The following ELMO1 variants were observed in gnomAD, a reference collection of about 807,000 sequenced individuals.
The protein encoded by ELMO1 is engulfment and cell motility 1, also known as engulfment and cell motility protein 1.
ELMO1 carries 26 observed loss-of-function variants against 98.9 expected under a neutral mutation model. That is an observed-to-expected ratio of 0.26 (90% CI 0.19 to 0.36). The LOEUF (loss-of-function observed/expected upper bound fraction) is 0.36, where lower values mean the gene tolerates loss of function less well. Ranked by LOEUF, ELMO1 falls within the 10% of genes least tolerant of loss-of-function variation. The pLI, the probability that ELMO1 is intolerant of heterozygous loss-of-function variation, is 1.00. For synonymous variants in ELMO1, 346 were observed against 346.0 expected, an observed-to-expected ratio of 1.00 and a Z score of 0.00; for missense variants, 627 against 935.2, an observed-to-expected ratio of 0.67 and a Z score of 4.30.
At chr7:36,959,209 T>C (rs1055368872) in intron 16 of ELMO1, among the ~76,000 whole-genome samples, 1 of 151,994 alleles carries the variant, frequency 6.6e-6, no homozygotes, top group Admixed American at 6.6e-5. Flanking sequence ...CCCTCCACCT[T>C]AGTCTACGCC....
At chr7:37,346,671 A>C (rs1460997905) in intron 1 of ELMO1, among the ~76,000 whole-genome samples, 4 of 152,242 alleles carry the variant, frequency 2.6e-5, no homozygotes, top group African/African-American at 9.6e-5. Flanking sequence ...GTGCAAACAG[A>C]TTGTGTGAAT....
chr7:37,263,558 G>A (rs971781027), intron 5 of ELMO1, among the ~76,000 whole-genome samples: 9 of 152,188 alleles, frequency 5.9e-5, no homozygotes. Context: ...TTGTGTTAGA[G>A]AGTGACTGAT....
intron 1 of ELMO1, among the ~76,000 whole-genome samples, chr7:37,447,817 G>C (rs530792343): frequency 6.6e-5 from 10 of 150,878 alleles, no homozygotes; most frequent in African/African-American, 2.2e-4. Flanking sequence ...GCACCCCCGG[G>C]ACAGCTGAGT....
chr7:37,171,483 ATTT>A (rs71780142), intron 13 of ELMO1, among the ~76,000 whole-genome samples: 5 of 82,914 alleles, frequency 6.0e-5, no homozygotes, highest in South Asian at 5.1e-4. Context: ...AGGCCTTTCT[ATTT>A]TTTTTTTTTT....
At chr7:37,437,865 C>T (rs1481961800) in intron 1 of ELMO1, among the ~76,000 whole-genome samples, 1 of 55,656 alleles carries the variant, frequency 1.8e-5, no homozygotes, top group South Asian at 6.4e-4. Flanking sequence ...CCCAGCTACT[C>T]GGGAGGCTGA....
chr7:37,385,003 T>C (rs1802736784), intron 1 of ELMO1, among the ~76,000 whole-genome samples: 1 of 152,248 alleles, frequency 6.6e-6, no homozygotes, highest in South Asian at 2.1e-4. Context: ...TTCCATACTT[T>C]GCTTTGAAGT....
At chr7:36,861,323 T>C (rs1386339994) in intron 21 of ELMO1, among the ~76,000 whole-genome samples, 2 of 152,216 alleles carry the variant, frequency 1.3e-5, no homozygotes, top group Non-Finnish European at 1.5e-5. Context: ...CAGTTTATCT[T>C]GGGAAAATCC....
chr7:37,064,550 G>T (rs1481446152), intron 15 of ELMO1, among the ~76,000 whole-genome samples: 2 of 152,202 alleles, frequency 1.3e-5, no homozygotes, highest in Non-Finnish European at 2.9e-5. Flanking sequence ...TGGTGTAGCT[G>T]TTACAGGAAA....
intron 1 of ELMO1, among the ~76,000 whole-genome samples, chr7:37,430,094 C>T (rs543646481): frequency 2.0e-5 from 3 of 152,310 alleles, no homozygotes; most frequent in East Asian, 3.9e-4. Flanking sequence ...ACGGAGAGCA[C>T]AGACAACAGT....
rs117549191 is a variant in ELMO1 at position 36,923,926 on chromosome 7, G to A, written c.1438-28909C>T. Among the ~76,000 whole-genome samples the A allele has an allele frequency of 3.2e-3, 481 of 152,248 alleles. 1 individual carries two copies. Among genetic ancestry groups the A allele is most frequent in the Non-Finnish European group, 4.5e-3 (309 of 68,012 alleles). On this transcript the variant is annotated intron_variant, in intron 16 of 21. Transcript: ENST00000310758. ...TAGAAAACTGAAAGTGGTTCTATAC[G>A]TGTGGAACACAAACAGTGAGGAAGC...
intron 1 of ELMO1, 31 bp downstream of exon 1, chr7:37,448,644 G>T (rs1415902920): frequency 1.3e-5 from 2 of 152,358 alleles, no homozygotes; most frequent in East Asian, 3.9e-4. Flanking sequence ...GCGAGTCGGG[G>T]CGCGGCGCCA....
chr7:37,205,636 G>A (rs1792571220), intron 13 of ELMO1, among the ~76,000 whole-genome samples: 1 of 152,116 alleles, frequency 6.6e-6, no homozygotes, highest in African/African-American at 2.4e-5. Context: ...AGACAGACTG[G>A]GAAAGGGACA....
chr7:37,291,969 C>G (rs1184067695), intron 4 of ELMO1, among the ~76,000 whole-genome samples: 2,495 of 34,524 alleles, frequency 0.072, 119 homozygotes, highest in African/African-American at 0.18. Flanking sequence ...CCCTCTCCCT[C>G]TCTTTCCACG....
chr7:37,069,148 A>C (rs1797138549), intron 15 of ELMO1, among the ~76,000 whole-genome samples: 1 of 151,814 alleles, frequency 6.6e-6, no homozygotes, highest in Non-Finnish European at 1.5e-5. Context: ...ATTCTAAACC[A>C]CTAAGAGCTC....
intron 16 of ELMO1, among the ~76,000 whole-genome samples, chr7:36,955,949 C>T (rs892213520): frequency 2.6e-5 from 4 of 152,212 alleles, no homozygotes; most frequent in African/African-American, 4.8e-5. Flanking sequence ...AATGCTAACT[C>T]AACAGGGCTA....
chr7:36,862,112 A>AAAACAAACAAACAAAC (rs57602967), intron 20 of ELMO1: 2 of 220,268 alleles, frequency 9.1e-6, no homozygotes, highest in African/African-American at 4.5e-5. Context: ...AGAGGCCACA[A>AAAACAAACAAACAAAC]AAACAAACAA....
chr7:37,209,591 GAT>G (rs1792840193), intron 13 of ELMO1, among the ~76,000 whole-genome samples: 1 of 152,180 alleles, frequency 6.6e-6, no homozygotes, highest in East Asian at 1.9e-4. Context: ...TGGTAATTTT[GAT>G]ATGACTTGAG....
chr7:37,361,404 G>A lies in ELMO1; in HGVS notation c.-73-18641C>T, dbSNP rs114041655. Among the ~76,000 whole-genome samples, 1,026 of 152,222 alleles carry A rather than the reference G, an allele frequency of 6.7e-3. 18 individuals carry two copies. Among genetic ancestry groups the A allele is most frequent in the African/African-American group, 0.023 (967 of 41,522 alleles). On this transcript the variant is annotated intron_variant, in intron 1 of 21. Transcript: ENST00000310758. Reference sequence around the variant, plus strand: ...ACACTCTAGCTTATGGGCCAAATCCGGCCCTCTCCCTATTTTTGTAGTCAA... The same window carrying A: ...ACACTCTAGCTTATGGGCCAAATCCAGCCCTCTCCCTATTTTTGTAGTCAA...
chr7:36,892,872 G>A (rs1805679422), intron 17 of ELMO1, among the ~76,000 whole-genome samples: 1 of 152,026 alleles, frequency 6.6e-6, no homozygotes, highest in Admixed American at 6.6e-5. Context: ...TTGGTCCATG[G>A]CCGAGGGATT....
Sources: allele counts gnomAD v4.1 joint callset (sites outside exome capture counted in the v4.1 genomes callset), GRCh38; gene constraint gnomAD v4.1.1; transcripts MANE v1.5; gene names NCBI Gene and HGNC (gene_info 2026-07-23, HGNC 2026-07-21).